The following CYTH1 variants were observed in gnomAD, a reference collection of about 807,000 sequenced individuals.
The protein encoded by CYTH1 is cytohesin-1.
A neutral mutation model predicts 61.8 loss-of-function variants in CYTH1; 18 were observed. The ratio of observed to expected loss-of-function variants is 0.29; its 90% CI spans 0.20 to 0.43. The LOEUF is 0.43. Among genes scored for constraint, CYTH1 ranks in the 20% least tolerant of loss-of-function variants. The pLI is 1.00. For missense variants in CYTH1, 336 were observed against 510.5 expected (o/e 0.66, Z 3.29); for synonymous variants, 174 against 184.3 (o/e 0.94, Z 0.45).
At chr17:78,707,037 A>G (rs2093074450) in intron 3 of CYTH1, among the ~76,000 whole-genome samples, 1 of 152,208 alleles carries the variant, frequency 6.6e-6, no homozygotes, top group Non-Finnish European at 1.5e-5. Context: ...CGGAAGTTTT[A>G]AATTTTTATG....
At chr17:78,771,310 C>T (rs765592960) in intron 1 of CYTH1, among the ~76,000 whole-genome samples, 1 of 152,104 alleles carries the variant, frequency 6.6e-6, no homozygotes, top group African/African-American at 2.4e-5. Context: ...TACAGTGGCA[C>T]ATGCCTATAA....
At chr17:78,679,852 T>C (rs940551441) in intron 13 of CYTH1, among the ~76,000 whole-genome samples, 2 of 152,206 alleles carry the variant, frequency 1.3e-5, no homozygotes, top group African/African-American at 4.8e-5. Flanking sequence ...CTATCTCCTC[T>C]GAGCTGTCAC....
At chr17:78,765,230 G>A (rs886237978) in intron 1 of CYTH1, among the ~76,000 whole-genome samples, 8 of 152,216 alleles carry the variant, frequency 5.3e-5, no homozygotes, top group African/African-American at 1.9e-4. Context: ...TGAGGCATCA[G>A]TAGACTCAAA....
intron 1 of CYTH1, among the ~76,000 whole-genome samples, chr17:78,769,054 G>A (rs532724385): frequency 2.0e-5 from 3 of 151,852 alleles, no homozygotes; most frequent in East Asian, 1.9e-4. Context: ...GCTGAGGCAC[G>A]AGAATCACTT....
At chr17:78,735,118 G>A (rs1339519750) in intron 1 of CYTH1, among the ~76,000 whole-genome samples, 1 of 152,204 alleles carries the variant, frequency 6.6e-6, no homozygotes, top group Non-Finnish European at 1.5e-5. Flanking sequence ...AAGCGAAGAA[G>A]CACCAGTTCT....
At chr17:78,679,232 C>G (rs2143985891) in intron 13 of CYTH1, among the ~76,000 whole-genome samples, 1 of 152,352 alleles carries the variant, frequency 6.6e-6, no homozygotes, top group East Asian at 1.9e-4. Context: ...TGGGCACATT[C>G]TCCCTGTCTT....
At chr17:78,686,137 G>C (rs561642800) in intron 11 of CYTH1, among the ~76,000 whole-genome samples, 8 of 152,186 alleles carry the variant, frequency 5.3e-5, no homozygotes, top group Admixed American at 3.9e-4. Context: ...TCTGTTCTCT[G>C]CATCTGCTAG....
chr17:78,701,848 G>A (rs962687572), intron 5 of CYTH1, 97 bp from the exon 6 acceptor site: 5 of 1,258,018 alleles, frequency 4.0e-6, no homozygotes, highest in East Asian at 2.3e-5. Context: ...TGCGTCCTGT[G>A]GTCCTGTGGC....
chr17:78,769,245 C>G (rs1222181146), intron 1 of CYTH1, among the ~76,000 whole-genome samples: 1 of 152,066 alleles, frequency 6.6e-6, no homozygotes, highest in Non-Finnish European at 1.5e-5. Context: ...ACAACACATA[C>G]TGAAGCCCCC....
At chr17:78,754,045 G>A (rs2093390995) in intron 1 of CYTH1, among the ~76,000 whole-genome samples, 2 of 152,092 alleles carry the variant, frequency 1.3e-5, no homozygotes, top group African/African-American at 4.8e-5. Flanking sequence ...CTAGATACAC[G>A]TGGAGTAGGG....
At chr17:78,762,455 T>C (rs926058657) in intron 1 of CYTH1, among the ~76,000 whole-genome samples, 3 of 152,314 alleles carry the variant, frequency 2.0e-5, no homozygotes, top group East Asian at 1.9e-4. Context: ...AGGATTAAAC[T>C]GCCCATTCTC....
In CYTH1 at chr17:78,709,772, C is replaced by G. The variant is rs1343826804; in HGVS notation, c.23-40G>C. ...GGCAATGTTACAAGAAAGCTTTTAT[C>G]TCGCCAAAAATCAAGGAAGATCCAG... On this transcript the variant is annotated intron_variant, in intron 1 of 13. Transcript: ENST00000446868. The G allele has an allele frequency of 8.1e-6, 13 of 1,597,746 alleles. No individual in the cohort carries two copies. The African/African-American group carries it at 1.6e-4, about 20-fold the overall frequency.
chr17:78,715,489 G>A (rs917606624), intron 1 of CYTH1, among the ~76,000 whole-genome samples: 3 of 152,138 alleles, frequency 2.0e-5, no homozygotes, highest in East Asian at 1.9e-4. Flanking sequence ...CCACCAGACC[G>A]GGTCAGAGCA....
chr17:78,773,732 T>C (rs531932257), intron 1 of CYTH1, among the ~76,000 whole-genome samples: 8 of 152,226 alleles, frequency 5.3e-5, no homozygotes, highest in African/African-American at 1.9e-4. Flanking sequence ...GAAGACAATA[T>C]ATGGGTTGAG....
intron 7 of CYTH1, among the ~76,000 whole-genome samples, chr17:78,699,829 G>C (rs2092989474): frequency 6.6e-6 from 1 of 152,162 alleles, no homozygotes; most frequent in Non-Finnish European, 1.5e-5. Context: ...CTGTCACCCA[G>C]GCTTGGAGTG....
At chr17:78,706,459 G>A (rs2093067815) in intron 3 of CYTH1, among the ~76,000 whole-genome samples, 1 of 152,142 alleles carries the variant, frequency 6.6e-6, no homozygotes, top group Non-Finnish European at 1.5e-5. Context: ...CCGTGCTGCT[G>A]CACGCTAGCA....
At chr17:78,735,554 A>T (rs1390658389) in intron 1 of CYTH1, among the ~76,000 whole-genome samples, 1 of 152,170 alleles carries the variant, frequency 6.6e-6, no homozygotes, top group African/African-American at 2.4e-5. Context: ...CGTTATGGAC[A>T]CCTGTGCATG....
chr17:78,735,664 C>T (rs532009850), intron 1 of CYTH1, among the ~76,000 whole-genome samples: 39 of 152,338 alleles, frequency 2.6e-4, no homozygotes, highest in Non-Finnish European at 4.6e-4. Context: ...TTCAAATGTG[C>T]TTTATAGTGA....
intron 1 of CYTH1, among the ~76,000 whole-genome samples, chr17:78,730,369 C>CAA (rs56790957): frequency 0.087 from 8,271 of 95,272 alleles, 577 homozygotes; most frequent in African/African-American, 0.19. Context: ...ACTAAAAATA[C>CAA]AAAAAAAAAA....
Sources: gnomAD v4.1 joint callset for allele counts (sites outside exome capture counted in the v4.1 genomes callset) on GRCh38, gnomAD v4.1.1 for gene constraint, MANE v1.5 for transcripts, NCBI Gene and HGNC (gene_info 2026-07-23, HGNC 2026-07-21) for gene names.